Variants in EBF1 observed in about 807,000 individuals in gnomAD.
EBF1 encodes the protein transcription factor COE1.
A neutral mutation model predicts 68.4 loss-of-function variants in EBF1; 10 were observed. That is an observed-to-expected ratio of 0.15 (90% CI 0.09 to 0.25). The LOEUF (loss-of-function observed/expected upper bound fraction) is 0.25, where lower values mean the gene tolerates loss of function less well. Ranked by LOEUF, EBF1 falls within the 10% of genes least tolerant of loss-of-function variation. The probability of loss-of-function intolerance (pLI) is 1.00; values close to 1 mark genes in which losing one functional copy is unlikely to be tolerated. For synonymous variants in EBF1, 298 were observed against 299.8 expected (o/e 0.99, Z 0.06); for missense variants, 509 against 794.4 (o/e 0.64, Z 4.32).
intron 6 of EBF1, among the ~76,000 whole-genome samples, chr5:159,035,357 T>G (rs1306145611): frequency 2.6e-5 from 4 of 152,096 alleles, no homozygotes; most frequent in Non-Finnish European, 5.9e-5. Context: ...AAGTGAAAAG[T>G]AAATGCCAGG....
At chr5:158,789,560 G>C (rs1035305121) in intron 9 of EBF1, among the ~76,000 whole-genome samples, 1 of 152,178 alleles carries the variant, frequency 6.6e-6, no homozygotes, top group South Asian at 2.1e-4. Context: ...ATAACCAAAA[G>C]CTGAATGGGG....
At chr5:159,034,882 C>T (rs1769710139) in intron 6 of EBF1, among the ~76,000 whole-genome samples, 1 of 152,170 alleles carries the variant, frequency 6.6e-6, no homozygotes, top group South Asian at 2.1e-4. Context: ...CCTACCTTGT[C>T]CAACCAGGAC....
intron 6 of EBF1, among the ~76,000 whole-genome samples, chr5:159,036,374 T>C (rs1464593492): frequency 6.6e-6 from 1 of 151,224 alleles, no homozygotes. Context: ...AGAACAAAGC[T>C]GGAGGTATCA....
chr5:158,911,751 A>G (rs1176588192), intron 6 of EBF1, among the ~76,000 whole-genome samples: 2 of 152,214 alleles, frequency 1.3e-5, no homozygotes, highest in Admixed American at 6.5e-5. Flanking sequence ...ATCCTTGGCT[A>G]GAACCACTGT....
intron 6 of EBF1, among the ~76,000 whole-genome samples, chr5:159,039,825 G>A (rs769640171): frequency 1.3e-5 from 2 of 152,134 alleles, no homozygotes; most frequent in African/African-American, 4.8e-5. Flanking sequence ...ATAAAATATC[G>A]AATGAGTACA....
chr5:159,033,835 C>T (rs1043518954), intron 6 of EBF1, among the ~76,000 whole-genome samples: 2 of 152,156 alleles, frequency 1.3e-5, no homozygotes, highest in South Asian at 2.1e-4. Context: ...ATTGATTCCT[C>T]TTTAAGACCA....
chr5:159,032,669 C>T (rs949491153), intron 6 of EBF1, among the ~76,000 whole-genome samples: 4 of 152,188 alleles, frequency 2.6e-5, no homozygotes, highest in African/African-American at 9.6e-5. Flanking sequence ...TCCGAAACCA[C>T]CCTCTCCCTT....
At chr5:159,085,685 T>G (rs1488877288) in intron 4 of EBF1, among the ~76,000 whole-genome samples, 1 of 152,214 alleles carries the variant, frequency 6.6e-6, no homozygotes, top group African/African-American at 2.4e-5. Context: ...ACAAAATTAC[T>G]TTCACACATT....
intron 6 of EBF1, among the ~76,000 whole-genome samples, chr5:158,934,065 C>A (rs1811452066): frequency 1.3e-5 from 2 of 152,254 alleles, no homozygotes; most frequent in Non-Finnish European, 2.9e-5. Context: ...GATATGGAGC[C>A]ACAGGCAGAT....
chr5:158,735,019 CAA>C (rs1764881609), intron 10 of EBF1, among the ~76,000 whole-genome samples: 1 of 152,080 alleles, frequency 6.6e-6, no homozygotes, highest in South Asian at 2.1e-4. Context: ...TTAAAAATTC[CAA>C]AAGACATTAA....
intron 5 of EBF1, chr5:159,073,739 G>T (rs1185058645): frequency 2.3e-6 from 1 of 436,850 alleles, no homozygotes; most frequent in African/African-American, 2.0e-5. Flanking sequence ...CCCCATGACT[G>T]CCCGCGGTGC....
chr5:158,798,884 T>C (rs1780058908), intron 8 of EBF1, among the ~76,000 whole-genome samples: 1 of 152,114 alleles, frequency 6.6e-6, no homozygotes, highest in African/African-American at 2.4e-5. Context: ...CTCCTACCTC[T>C]ACACTCAGCA....
intron 6 of EBF1, among the ~76,000 whole-genome samples, chr5:158,969,895 AGAAAGAAAGAAAGAAAGAAAG>A (rs1755136070): frequency 4.3e-5 from 5 of 115,660 alleles, no homozygotes; most frequent in African/African-American, 1.6e-4. Flanking sequence ...AAAGAAAGAA[AGAAAGAAAGAAAGAAAGAAAG>A]AAAAAAAAAA....
chr5:158,735,548 G>A (rs1053766340), intron 10 of EBF1, among the ~76,000 whole-genome samples: 4 of 152,084 alleles, frequency 2.6e-5, no homozygotes. Context: ...AAGCTTGCAG[G>A]GCAAATGTCT....
intron 6 of EBF1, among the ~76,000 whole-genome samples, chr5:159,035,795 T>C (rs1311513744): frequency 6.6e-6 from 1 of 152,212 alleles, no homozygotes; most frequent in Non-Finnish European, 1.5e-5. Flanking sequence ...GAAACAGAAT[T>C]TGCCTTCCAA....
intron 6 of EBF1, among the ~76,000 whole-genome samples, chr5:159,014,155 T>C (rs913077458): frequency 1.3e-5 from 2 of 152,174 alleles, no homozygotes; most frequent in African/African-American, 4.8e-5. Flanking sequence ...CTTCAAACTT[T>C]TAAAATTTCA....
chr5:158,958,718 G>C (rs1216802357), intron 6 of EBF1, among the ~76,000 whole-genome samples: 1 of 152,058 alleles, frequency 6.6e-6, no homozygotes, highest in Non-Finnish European at 1.5e-5. Context: ...ATAGAGGGGA[G>C]AAGGCCTGGA....
chr5:158,750,752 A>T (rs1197039012), intron 10 of EBF1, among the ~76,000 whole-genome samples: 1 of 152,064 alleles, frequency 6.6e-6, no homozygotes, highest in Non-Finnish European at 1.5e-5. Context: ...TTTTTTTAAA[A>T]ATCTACCACT....
chr5:158,914,900 C>A (rs1169117117), intron 6 of EBF1, among the ~76,000 whole-genome samples: 1 of 152,152 alleles, frequency 6.6e-6, no homozygotes, highest in Non-Finnish European at 1.5e-5. Context: ...ACGACCCTCT[C>A]CATTTAATAT....
Sources: allele counts gnomAD v4.1 joint callset (sites outside exome capture counted in the v4.1 genomes callset), GRCh38; gene constraint gnomAD v4.1.1; transcripts MANE v1.5; gene names NCBI Gene and HGNC (gene_info 2026-07-23, HGNC 2026-07-21).